The following PCYT1B variants were observed in gnomAD, a reference collection of about 807,000 sequenced individuals.
PCYT1B encodes the protein choline-phosphate cytidylyltransferase B.
A neutral mutation model predicts 26.4 loss-of-function variants in PCYT1B; 10 were observed. That is an observed-to-expected ratio of 0.38 (90% confidence interval 0.23 to 0.64). The LOEUF is 0.64. Among genes scored for constraint, PCYT1B ranks in the 30% least tolerant of loss-of-function variants. The pLI is 0.56. For missense variants in PCYT1B, 161 were observed against 292.7 expected (o/e 0.55, Z 3.28); for synonymous variants, 131 against 108.4 (o/e 1.21, Z -1.29).
At position 24,561,357 on chromosome X, in the gene PCYT1B, T is replaced by A. The variant is rs918094330; in HGVS notation, c.*936A>T. 8 of 112,127 alleles carry A rather than the reference T, an allele frequency of 7.1e-5. No individual in the cohort carries two copies. Among genetic ancestry groups the A allele is most frequent in the Non-Finnish European group, 1.5e-4 (8 of 53,239 alleles). The allele number at this position is 112,127 out of a possible 1,213,427, so 9.2% of individuals were successfully genotyped here. A position where few individuals can be genotyped will look rare whatever the true frequency, so the allele number is the denominator to read the frequency against. On this transcript the variant is annotated 3_prime_UTR_variant, in exon 8 of 8. Coordinates refer to ENST00000379144, the MANE Select transcript of PCYT1B (RefSeq NM_004845.5). Reference sequence around the variant, plus strand: ...CAGGTAGCACCCCCTATTGGTATACTATGTTTGATACCTCAAACTGTTACT... The same window carrying A: ...CAGGTAGCACCCCCTATTGGTATACAATGTTTGATACCTCAAACTGTTACT...
In PCYT1B at chrX:24,624,254, C is replaced by T. The variant is rs948866897; in HGVS notation, c.118-5170G>A. ...AAAGTGCTGGGATTACAGGCATGAG[C>T]CACCGCGCCCGGCCAAGCTAAGCTA... is the stretch of plus-strand genomic sequence containing the variant. On this transcript the variant is annotated intron_variant, in intron 1 of 7. Transcript: ENST00000379144. Among the ~76,000 whole-genome samples, 11 of 111,864 alleles carry T rather than the reference C, an allele frequency of 9.8e-5. No homozygotes were observed. The South Asian group carries it at 3.4e-3, about 34-fold the overall frequency.
intron 1 of PCYT1B, among the ~76,000 whole-genome samples, chrX:24,637,410 G>A (rs1435671326): frequency 3.0e-5 from 3 of 99,762 alleles, no homozygotes; most frequent in Non-Finnish European, 3.9e-5. Context: ...GGGAGGCCGA[G>A]GCGGGAGGGT....
Position 24,647,337 on chromosome X carries a change from C to CT in PCYT1B, c.-233_-232insA. On this transcript the variant is annotated 5_prime_UTR_variant, in exon 1 of 8. Transcript: ENST00000379144. ...GGCCTCAGTTTATCACTATAACAAC[C>CT]AGACGACACTGAAGCGGCTGGTGCG... The CT allele has an allele frequency of 1.1e-6, 1 of 949,586 alleles. No individual in the cohort carries two copies. Among genetic ancestry groups the CT allele is most frequent in the Non-Finnish European group, 1.3e-6 (1 of 748,767 alleles). The allele number at this position is 949,586 out of a possible 1,213,427, so 78.3% of individuals were successfully genotyped here.
intron 7 of PCYT1B, among the ~76,000 whole-genome samples, chrX:24,568,560 T>C (rs768884959): frequency 2.7e-5 from 3 of 110,508 alleles, no homozygotes; most frequent in Non-Finnish European, 3.8e-5. Flanking sequence ...TCAAAAAATA[T>C]AGATTTTAAA....
At chrX:24,577,834 T>C (rs1481178602) in intron 6 of PCYT1B, among the ~76,000 whole-genome samples, 2 of 111,949 alleles carry the variant, frequency 1.8e-5, no homozygotes, top group Non-Finnish European at 3.8e-5. Context: ...ATCAAAGATA[T>C]CGGCACCTCA....
chrX:24,620,715 G>T (rs1200525236), intron 1 of PCYT1B, among the ~76,000 whole-genome samples: 1 of 112,194 alleles, frequency 8.9e-6, no homozygotes, highest in Non-Finnish European at 1.9e-5. Context: ...ACTAACATTA[G>T]CTCAAAGGAT....
chrX:24,636,481 C>T (rs1179918641), intron 1 of PCYT1B, among the ~76,000 whole-genome samples: 1 of 111,792 alleles, frequency 8.9e-6, no homozygotes, highest in African/African-American at 3.3e-5. Context: ...GGTGTGGTGG[C>T]ACATGCCTGT....
At chrX:24,579,200 A>AGT in intron 6 of PCYT1B, 116 bp downstream of exon 6, 4 of 499,836 alleles carry the variant, frequency 8.0e-6, no homozygotes, top group Non-Finnish European at 1.2e-5. Context: ...AAAAAAAAAA[A>AGT]GAGAGAGAGA....
intron 3 of PCYT1B, among the ~76,000 whole-genome samples, chrX:24,594,104 G>A (rs1339992610): frequency 9.0e-6 from 1 of 111,087 alleles, no homozygotes; most frequent in African/African-American, 3.3e-5. Context: ...GGCCCAGATA[G>A]CTCTGTCTTT....
At chrX:24,593,889 A>T (rs1034550555) in intron 3 of PCYT1B, among the ~76,000 whole-genome samples, 24 of 109,774 alleles carry the variant, frequency 2.2e-4, no homozygotes, top group African/African-American at 7.3e-4. Flanking sequence ...GATGCATATA[A>T]ATATATATAT....
intron 1 of PCYT1B, among the ~76,000 whole-genome samples, chrX:24,658,928 G>T (rs1229735036): frequency 8.9e-6 from 1 of 111,933 alleles, no homozygotes; most frequent in Non-Finnish European, 1.9e-5. Context: ...GCAGACAATT[G>T]CTAACATTGT....
In PCYT1B at chrX:24,559,821, T is replaced by C. The variant is rs1378121101; in HGVS notation, c.*2472A>G. Reference sequence around the variant, plus strand: ...GTAGGGGCTGGGAGAGACTGAGAGATGGCCAAAAAGTATCAAAAGTTGGGT... The same window carrying C: ...GTAGGGGCTGGGAGAGACTGAGAGACGGCCAAAAAGTATCAAAAGTTGGGT... On this transcript the variant is annotated 3_prime_UTR_variant, in exon 8 of 8. Transcript: ENST00000379144. 1 of 111,367 alleles carries C rather than the reference T, an allele frequency of 9.0e-6. No individual in the cohort carries two copies. 9.2% of individuals were successfully genotyped at this position (111,367 alleles called of 1,213,427 possible). A position where few individuals can be genotyped will look rare whatever the true frequency, so the allele number is the denominator to read the frequency against.
intron 7 of PCYT1B, among the ~76,000 whole-genome samples, chrX:24,569,113 C>A (rs1303709926): frequency 9.0e-6 from 1 of 110,996 alleles, no homozygotes; most frequent in Non-Finnish European, 1.9e-5. Flanking sequence ...ACAACAACAA[C>A]AACAATCTTT....
chrX:24,666,084 C>A lies in PCYT1B; in HGVS notation c.63+6486G>T, dbSNP rs959064265. On this transcript the variant is annotated intron_variant, in intron 1 of 7. Transcript: ENST00000379145. ...TAATGATAATGTCAATCAATTTAGA[C>A]GCTAGGGTCAAGTTGGAGTTGGTCC... Among the ~76,000 whole-genome samples the A allele has an allele frequency of 8.1e-5, 9 of 111,118 alleles. No individual in the cohort carries two copies. In the Admixed American group the frequency reaches 8.7e-4, roughly 11 times the overall value.
At chrX:24,569,342 C>T (rs868241787) in intron 7 of PCYT1B, among the ~76,000 whole-genome samples, 66 of 110,065 alleles carry the variant, frequency 6.0e-4, no homozygotes, top group African/African-American at 2.1e-3. Context: ...GTGCATTGCT[C>T]GTGGAAATGT....
rs763583297 is a variant in PCYT1B at position 24,562,310 on chromosome X, C to A, written c.1093G>T (p.Asp365Tyr). Residue 365 changes from aspartate to tyrosine, a missense_variant, in exon 8 of 8, where the codon GAT becomes TAT. By Grantham distance (160) the Asp-to-Tyr change is radical. Around this residue, in one of 4 missense-constraint regions of PCYT1B, gnomAD observed 38 missense variants for 55.9 expected, o/e 0.68. Coordinates refer to ENST00000379144, the MANE Select transcript of PCYT1B (RefSeq NM_004845.5). Reference sequence around the variant, plus strand: ...AGCAGCCTCTACTTTTCATCCTCATCCCCCTCGCTCATGCTGCTGATAGAG... The same window carrying A: ...AGCAGCCTCTACTTTTCATCCTCATACCCCTCGCTCATGCTGCTGATAGAG... ...SASISSMSEG[D>Y]EDEK 14 of 1,156,350 alleles carry A rather than the reference C, an allele frequency of 1.2e-5. No individual in the cohort carries two copies. The highest frequency in any genetic ancestry group is 1.6e-5 in the Non-Finnish European group (14 of 867,595).
chrX:24,657,251 G>C (rs1926941895), intron 1 of PCYT1B, among the ~76,000 whole-genome samples: 1 of 112,079 alleles, frequency 8.9e-6, no homozygotes, highest in Non-Finnish European at 1.9e-5. Flanking sequence ...ATACTCAAGA[G>C]TGCCATGTAA....
chrX:24,667,487 C>T (rs1927150659), intron 1 of PCYT1B, among the ~76,000 whole-genome samples: 1 of 110,926 alleles, frequency 9.0e-6, no homozygotes, highest in African/African-American at 3.3e-5. Flanking sequence ...GAGGCCGAGG[C>T]GGGCAGTTCA....
intron 3 of PCYT1B, among the ~76,000 whole-genome samples, chrX:24,592,688 A>G (rs1330599862): frequency 9.0e-6 from 1 of 111,391 alleles, no homozygotes; most frequent in East Asian, 2.8e-4. Flanking sequence ...CATTCAGAGT[A>G]AAACCAAAGT....
Sources: gnomAD v4.1 joint callset for allele counts (sites outside exome capture counted in the v4.1 genomes callset) on GRCh38, gnomAD v4.1.1 for gene constraint, gnomAD v4.1.1 regional missense constraint, MANE v1.5 for transcripts, NCBI Gene and HGNC (gene_info 2026-07-23, HGNC 2026-07-21) for gene names.